BAZ1A: variants seen among roughly 807,000 people sequenced by gnomAD.
BAZ1A encodes the protein bromodomain adjacent to zinc finger domain protein 1A.
Under a neutral mutation model 185.2 loss-of-function variants are expected in BAZ1A, and 50 were observed. The ratio of observed to expected loss-of-function variants is 0.27; its 90% CI spans 0.22 to 0.34. The LOEUF is 0.34. Among genes scored for constraint, BAZ1A ranks in the 10% least tolerant of loss-of-function variants. BAZ1A has a pLI of 1.00. For synonymous variants in BAZ1A, 571 were observed against 615.6 expected (o/e 0.93, Z 1.07); for missense variants, 1,356 against 1,839.9 (o/e 0.74, Z 4.81).
intron 2 of BAZ1A, among the ~76,000 whole-genome samples, chr14:34,873,547 T>C (rs542602221): frequency 6.6e-6 from 1 of 152,260 alleles, no homozygotes; most frequent in Non-Finnish European, 1.5e-5. Context: ...GAGTGGCACA[T>C]GTCAGGCAGC....
intron 4 of BAZ1A, among the ~76,000 whole-genome samples, chr14:34,824,400 C>CAAAA (rs2042132910): frequency 1.4e-4 from 4 of 29,192 alleles, no homozygotes; most frequent in Non-Finnish European, 1.3e-4. Context: ...AAAAAAAAAG[C>CAAAA]AGCAACTCAA....
intron 3 of BAZ1A, among the ~76,000 whole-genome samples, chr14:34,839,485 G>A (rs1199232413): frequency 1.3e-5 from 2 of 148,898 alleles, no homozygotes; most frequent in Non-Finnish European, 3.0e-5. Flanking sequence ...GCTGAAGTGA[G>A]CTGAGATCAC....
intron 14 of BAZ1A, among the ~76,000 whole-genome samples, chr14:34,784,827 TA>T (rs1377013222): frequency 3.3e-5 from 5 of 151,284 alleles, no homozygotes; most frequent in Non-Finnish European, 7.4e-5. Context: ...CAAAAAAAAA[TA>T]TGGAACGCTT....
At chr14:34,824,198 T>TA (rs11453821) in intron 4 of BAZ1A, among the ~76,000 whole-genome samples, 66,322 of 126,398 alleles carry the variant, frequency 0.52, 17,179 homozygotes, top group South Asian at 0.57. Context: ...TGTCTCTACT[T>TA]AAAAAAAAAA....
intron 3 of BAZ1A, among the ~76,000 whole-genome samples, chr14:34,841,546 T>C (rs933172975): frequency 2.6e-5 from 4 of 152,120 alleles, no homozygotes; most frequent in African/African-American, 9.7e-5. Flanking sequence ...TGTGCCAACA[T>C]GCCCAGCTAA....
intron 21 of BAZ1A, 64 bp from the exon 22 acceptor site, chr14:34,765,332 G>A (rs1303868954): frequency 6.4e-7 from 1 of 1,560,326 alleles, no homozygotes; most frequent in Non-Finnish European, 8.7e-7. Flanking sequence ...CCTAGAAATA[G>A]TTTGTTGGTA....
chr14:34,867,082 AC>A (rs1369573516), intron 2 of BAZ1A, among the ~76,000 whole-genome samples: 1 of 152,018 alleles, frequency 6.6e-6, no homozygotes, highest in African/African-American at 2.4e-5. Context: ...ACACAGTGAA[AC>A]CCCATCTCTA....
At chr14:34,835,831 C>T (rs1240293891) in intron 3 of BAZ1A, among the ~76,000 whole-genome samples, 2 of 151,480 alleles carry the variant, frequency 1.3e-5, no homozygotes, top group Non-Finnish European at 2.9e-5. Context: ...GCCACCACGC[C>T]CAGCTAATTT....
intron 25 of BAZ1A, among the ~76,000 whole-genome samples, chr14:34,757,838 C>T (rs1317289989): frequency 6.7e-6 from 1 of 150,082 alleles, no homozygotes; most frequent in Non-Finnish European, 1.5e-5. Context: ...CTTCTGCCTC[C>T]CGGGTTCAAG....
chr14:34,839,719 T>C (rs1207395228), intron 3 of BAZ1A, among the ~76,000 whole-genome samples: 6 of 150,372 alleles, frequency 4.0e-5, no homozygotes, highest in Non-Finnish European at 8.9e-5. Flanking sequence ...GGCGGGTGCC[T>C]GTAGTCCCAG....
chr14:34,868,924 G>A (rs1047978592), intron 2 of BAZ1A, among the ~76,000 whole-genome samples: 14 of 150,000 alleles, frequency 9.3e-5, no homozygotes, highest in Admixed American at 1.3e-4. Context: ...GTGTGTGTGT[G>A]TGTATAATAC....
At chr14:34,790,852 C>T (rs553748600) in intron 12 of BAZ1A, among the ~76,000 whole-genome samples, 116 of 152,210 alleles carry the variant, frequency 7.6e-4, no homozygotes, top group African/African-American at 2.4e-3. Flanking sequence ...CACCTGGGTG[C>T]GGTGTCTCAA....
chr14:34,845,969 G>A (rs1215400021), intron 3 of BAZ1A, among the ~76,000 whole-genome samples: 2 of 151,966 alleles, frequency 1.3e-5, no homozygotes, highest in African/African-American at 2.4e-5. Context: ...TTATCCAGAA[G>A]AGCCTCTAAT....
intron 2 of BAZ1A, among the ~76,000 whole-genome samples, chr14:34,863,637 T>C (rs922603508): frequency 3.3e-5 from 5 of 152,086 alleles, no homozygotes; most frequent in Admixed American, 3.3e-4. Flanking sequence ...GCAAGAGATC[T>C]ATATCACAGA....
At chr14:34,770,405 G>A (rs555156992) in intron 21 of BAZ1A, among the ~76,000 whole-genome samples, 13 of 152,120 alleles carry the variant, frequency 8.5e-5, no homozygotes, top group African/African-American at 2.7e-4. Flanking sequence ...CAACCGCCTC[G>A]GCCTCCCAAA....
intron 3 of BAZ1A, among the ~76,000 whole-genome samples, chr14:34,829,871 C>G (rs2138725432): frequency 6.6e-6 from 1 of 152,284 alleles, no homozygotes; most frequent in South Asian, 2.1e-4. Context: ...GTGATTCCCC[C>G]AAAGTGCTAC....
In BAZ1A at chr14:34,792,793, T is replaced by C; in HGVS notation, c.1492A>G (p.Thr498Ala). ...EEEEVAKEQLTDADTKDLTEA... is the reference protein window; with the variant it reads ...EEEEVAKEQLADADTKDLTEA... Reference sequence around the variant, plus strand: ...CTCTGACCTTTGGTGTCAGCATCAGTTAGTTGCTCTTTGGCTACTTCCTCT... The same window carrying C: ...CTCTGACCTTTGGTGTCAGCATCAGCTAGTTGCTCTTTGGCTACTTCCTCT... Residue 498 changes from threonine (T) to alanine (A), a missense_variant, in exon 12 of 27, where the codon ACT becomes GCT. By Grantham distance (58) the Thr-to-Ala change is moderately conservative (BLOSUM62 0). Around this residue, in one of 7 missense-constraint regions of BAZ1A, gnomAD observed 184 missense variants for 355.1 expected, o/e 0.52. Transcript: ENST00000360310. 1 of 1,613,950 alleles carries C rather than the reference T, an allele frequency of 6.2e-7. No individual in the cohort carries two copies. The highest frequency in any genetic ancestry group is 8.5e-7 in the Non-Finnish European group (1 of 1,179,974).
chr14:34,788,531 T>C (rs1880641616), intron 12 of BAZ1A, among the ~76,000 whole-genome samples: 1 of 152,134 alleles, frequency 6.6e-6, no homozygotes, highest in African/African-American at 2.4e-5. Context: ...CTCACATTCC[T>C]GAGCTCAACT....
rs775229346 is a variant in BAZ1A, at chr14:34,764,920, C to G, written c.3563G>C (p.Gly1188Ala). 1 of 1,614,002 alleles carries G rather than the reference C, an allele frequency of 6.2e-7. No individual in the cohort carries two copies. Among genetic ancestry groups the G allele is most frequent in the Non-Finnish European group, 8.5e-7 (1 of 1,180,014 alleles). Residue 1188 changes from glycine (G) to alanine (A), a missense_variant, in exon 23 of 27, where the codon GGA (glycine) becomes GCA (alanine). Physicochemically the swap from Gly to Ala is moderately conservative, Grantham distance 60. Coordinates refer to ENST00000360310, the MANE Select transcript of BAZ1A (RefSeq NM_013448.3). ...VRPKLKTVPE[G>A]DWFCPECRPK... ...TCGACATTCTGGACAAAACCAGTCT[C>G]CTTCAGGCACAGTCTGAAAAAATCA...
Sources: allele counts gnomAD v4.1 joint callset (sites outside exome capture counted in the v4.1 genomes callset), GRCh38; gene constraint gnomAD v4.1.1; regional missense constraint gnomAD v4.1.1; transcripts MANE v1.5; gene names NCBI Gene and HGNC (gene_info 2026-07-23, HGNC 2026-07-21).